CCNY: variants seen among roughly 807,000 people sequenced by gnomAD.
CCNY encodes cyclin Y.
CCNY carries 19 observed loss-of-function variants against 42.8 expected under a neutral mutation model. The ratio of observed to expected loss-of-function variants is 0.44; its 90% CI spans 0.31 to 0.65. CCNY has a LOEUF of 0.65. Ranked by LOEUF, CCNY falls within the 30% of genes least tolerant of loss-of-function variation. The probability of loss-of-function intolerance (pLI) is 0.07; values close to 1 mark genes in which losing one functional copy is unlikely to be tolerated. For missense variants in CCNY, 370 were observed against 437.3 expected, an observed-to-expected ratio of 0.85 and a Z score of 1.37; for synonymous variants, 165 against 162.7, an observed-to-expected ratio of 1.01 and a Z score of -0.11.
chr10:35,257,379 G>T (rs2095716477), intron 3 of CCNY, among the ~76,000 whole-genome samples: 1 of 150,790 alleles, frequency 6.6e-6, no homozygotes, highest in South Asian at 2.1e-4. Flanking sequence ...CTGGGCTCGG[G>T]TGATCCTCTC....
At chr10:35,521,863 G>T (rs1345006852) in intron 4 of CCNY, among the ~76,000 whole-genome samples, 1 of 152,048 alleles carries the variant, frequency 6.6e-6, no homozygotes, top group East Asian at 1.9e-4. Flanking sequence ...GGGCTTCGTG[G>T]CTGAAATAGG....
At chr10:35,515,291 C>A (rs1017787956) in intron 3 of CCNY, among the ~76,000 whole-genome samples, 1 of 152,102 alleles carries the variant, frequency 6.6e-6, no homozygotes. Context: ...GCTTCAGCAG[C>A]GCAGTGCTAA....
At chr10:35,299,461 C>T (rs1835508304) in intron 3 of CCNY, among the ~76,000 whole-genome samples, 1 of 152,212 alleles carries the variant, frequency 6.6e-6, no homozygotes, top group Admixed American at 6.5e-5. Context: ...TGGGTGCATT[C>T]ACATTTAGGA....
intron 7 of CCNY, among the ~76,000 whole-genome samples, chr10:35,532,489 A>G (rs1320400713): frequency 1.3e-5 from 2 of 152,234 alleles, no homozygotes; most frequent in Non-Finnish European, 2.9e-5. Context: ...ACCCAAAGCA[A>G]ATATTTCACA....
intron 3 of CCNY, among the ~76,000 whole-genome samples, chr10:35,513,739 A>G (rs1273213267): frequency 6.6e-6 from 1 of 152,144 alleles, no homozygotes; most frequent in African/African-American, 2.4e-5. Context: ...ACCAAGAGTC[A>G]TGCCCTGCTG....
chr10:35,483,771 T>C, intron 2 of CCNY, among the ~76,000 whole-genome samples: 1 of 152,234 alleles, frequency 6.6e-6, no homozygotes, highest in Admixed American at 6.5e-5. Flanking sequence ...CTTTTAGAAT[T>C]GATATTTGCA....
chr10:35,304,311 A>ATTTTTTTTTTTTTTTT (rs1233409039), intron 3 of CCNY, among the ~76,000 whole-genome samples: 1 of 47,564 alleles, frequency 2.1e-5, no homozygotes, highest in Non-Finnish European at 3.6e-5. Flanking sequence ...TTTTTTTTTT[A>ATTTTTTTTTTTTTTTT]TTTTTTATTT....
At chr10:35,394,949 C>A in intron 1 of CCNY, 1 of 591,872 alleles carries the variant, frequency 1.7e-6, no homozygotes, top group Non-Finnish European at 2.1e-6. Flanking sequence ...TTGGAAACTT[C>A]ACATCCATTC....
At chr10:35,526,224 A>G (rs1840650133) in intron 5 of CCNY, among the ~76,000 whole-genome samples, 1 of 152,228 alleles carries the variant, frequency 6.6e-6, no homozygotes, top group Admixed American at 6.5e-5. Flanking sequence ...AGCAAAACAG[A>G]CAAAGCTTCT....
At chr10:35,546,175 T>A (rs1841112290) in intron 7 of CCNY, among the ~76,000 whole-genome samples, 1 of 152,208 alleles carries the variant, frequency 6.6e-6, no homozygotes, top group South Asian at 2.1e-4. Flanking sequence ...GACGGCAGAT[T>A]TAAAGTCCAG....
At chr10:35,274,402 G>A (rs1488156425) in intron 3 of CCNY, among the ~76,000 whole-genome samples, 7 of 152,132 alleles carry the variant, frequency 4.6e-5, no homozygotes. Flanking sequence ...AAATCACCAT[G>A]TGCTATGCAT....
chr10:35,485,809 G>A (rs968735377), intron 2 of CCNY, among the ~76,000 whole-genome samples: 8 of 151,916 alleles, frequency 5.3e-5, no homozygotes, highest in African/African-American at 1.9e-4. Flanking sequence ...CAGAGAATTG[G>A]CTACTTGGTG....
At chr10:35,414,722 G>A (rs1837988219) in intron 1 of CCNY, among the ~76,000 whole-genome samples, 1 of 152,184 alleles carries the variant, frequency 6.6e-6, no homozygotes, top group African/African-American at 2.4e-5. Flanking sequence ...GCCATGGTGG[G>A]AGGGAGTGAT....
chr10:35,556,384 G>A, intron 8 of CCNY, among the ~76,000 whole-genome samples: 1 of 152,216 alleles, frequency 6.6e-6, no homozygotes, highest in Non-Finnish European at 1.5e-5. Flanking sequence ...GCCCTGAGTA[G>A]GCAAAGTTGT....
At chr10:35,361,501 T>G (rs1313502413) in intron 1 of CCNY, among the ~76,000 whole-genome samples, 1 of 152,234 alleles carries the variant, frequency 6.6e-6, no homozygotes, top group Non-Finnish European at 1.5e-5. Context: ...ACATAATATT[T>G]TGTTTGCCTG....
chr10:35,263,577 G>A (rs917841984), intron 3 of CCNY, among the ~76,000 whole-genome samples: 1 of 151,678 alleles, frequency 6.6e-6, no homozygotes, highest in African/African-American at 2.4e-5. Flanking sequence ...AAAAGGGGAG[G>A]GGAGGAGAGA....
rs556935837 is a variant in CCNY, at chr10:35,269,902, A to C, written c.-9+19276A>C. ...CTCAGACTCCCAAAGTGCTGGGGTT[A>C]CGTGCCCGGCCAAGTTCATCACTCT... On this transcript the variant is annotated intron_variant, in intron 3 of 11. Coordinates refer to the CCNY transcript ENST00000374706. Among the ~76,000 whole-genome samples, 10 of 152,288 alleles carry C rather than the reference A, an allele frequency of 6.6e-5. No individual in the cohort carries two copies. In the East Asian group the frequency reaches 1.5e-3, roughly 24 times the overall value.
intron 2 of CCNY, among the ~76,000 whole-genome samples, chr10:35,487,251 T>TTA (rs1284113306): frequency 2.0e-5 from 3 of 152,194 alleles, no homozygotes; most frequent in Non-Finnish European, 2.9e-5. Flanking sequence ...CATACTTCTA[T>TTA]TAGAGTCTTT....
intron 1 of CCNY, among the ~76,000 whole-genome samples, chr10:35,381,225 C>T (rs1354257153): frequency 2.0e-5 from 3 of 152,128 alleles, no homozygotes; most frequent in South Asian, 2.1e-4. Context: ...ATAATAGATA[C>T]GTAAGCTTCA....
Sources: allele counts gnomAD v4.1 joint callset (sites outside exome capture counted in the v4.1 genomes callset), GRCh38; gene constraint gnomAD v4.1.1; transcripts MANE v1.5; gene names NCBI Gene and HGNC (gene_info 2026-07-23, HGNC 2026-07-21).